The following FSTL5 variants were observed in gnomAD, a reference collection of about 807,000 sequenced individuals.
FSTL5 encodes follistatin like 5, also known as follistatin-related protein 5.
Under a neutral mutation model 89.1 loss-of-function variants are expected in FSTL5, and 62 were observed. The ratio of observed to expected loss-of-function variants is 0.70; its 90% confidence interval spans 0.57 to 0.86. FSTL5 has a LOEUF of 0.86. FSTL5 is among the 40% of genes least tolerant of loss of function. FSTL5 has a pLI of 0.00. For missense variants in FSTL5, 1,057 were observed against 1,001.6 expected, an observed-to-expected ratio of 1.06 and a Z score of -0.75; for synonymous variants, 383 against 346.2, an observed-to-expected ratio of 1.11 and a Z score of -1.18.
chr4:161,837,100 T>C (rs574846687), intron 4 of FSTL5, among the ~76,000 whole-genome samples: 106 of 152,210 alleles, frequency 7.0e-4, no homozygotes, highest in African/African-American at 1.9e-3. Flanking sequence ...GGTGAAGCCA[T>C]AGAGAAAAGT....
intron 12 of FSTL5, among the ~76,000 whole-genome samples, chr4:161,492,446 A>G (rs960626891): frequency 6.6e-6 from 1 of 152,192 alleles, no homozygotes; most frequent in African/African-American, 2.4e-5. Flanking sequence ...ATTAACTTTT[A>G]GTATAACTTT....
chr4:161,404,181 G>A (rs1324810722), intron 15 of FSTL5, among the ~76,000 whole-genome samples: 2 of 152,142 alleles, frequency 1.3e-5, no homozygotes, highest in Admixed American at 6.5e-5. Context: ...TCTTAATGAG[G>A]AGAAACAGCT....
chr4:161,520,470 A>G (rs1179402952), intron 10 of FSTL5, among the ~76,000 whole-genome samples: 2 of 152,042 alleles, frequency 1.3e-5, no homozygotes, highest in East Asian at 3.9e-4. Flanking sequence ...GAAATTATAA[A>G]TTATAACAAA....
chr4:161,423,856 T>A (rs904721845), intron 15 of FSTL5, among the ~76,000 whole-genome samples: 8 of 150,712 alleles, frequency 5.3e-5, no homozygotes, highest in Non-Finnish European at 1.2e-4. Context: ...TATTTTATTT[T>A]ATTTATTTTA....
chr4:161,950,871 T>A lies in FSTL5; in HGVS notation c.161-30219A>T, dbSNP rs1316428743. On this transcript the variant is annotated intron_variant, in intron 3 of 15. Transcript: ENST00000306100. The stretch of plus-strand genomic sequence containing the variant: ...GGGGGCCCTTCAGGATTCTAAACAA[T>A]CATGCCAGAAAATACTTGGCCATTA... 3.9e-5 allele frequency among the ~76,000 whole-genome samples: 6 copies of A among 152,184 alleles called. No homozygotes were observed. The East Asian group carries it at 1.2e-3, about 29-fold the overall frequency.
At chr4:161,852,749 C>A (rs965069309) in intron 4 of FSTL5, among the ~76,000 whole-genome samples, 3 of 152,004 alleles carry the variant, frequency 2.0e-5, no homozygotes, top group Non-Finnish European at 4.4e-5. Context: ...AAGAAAATGT[C>A]ATAAATATAC....
At chr4:162,133,683 GAA>G (rs1561037676) in intron 1 of FSTL5, among the ~76,000 whole-genome samples, 1 of 152,124 alleles carries the variant, frequency 6.6e-6, no homozygotes, top group African/African-American at 2.4e-5. Flanking sequence ...GTGAATGAAT[GAA>G]AGTCTACCAT....
At chr4:162,029,355 A>G (rs141535572) in intron 3 of FSTL5, among the ~76,000 whole-genome samples, 1 of 152,144 alleles carries the variant, frequency 6.6e-6, no homozygotes, top group Non-Finnish European at 1.5e-5. Flanking sequence ...TTTCATGTAC[A>G]TCAATATATA....
chr4:161,834,500 G>A (rs1253175900), intron 4 of FSTL5, among the ~76,000 whole-genome samples: 2 of 152,158 alleles, frequency 1.3e-5, no homozygotes, highest in South Asian at 2.1e-4. Context: ...CAGGAAAAGA[G>A]GAAGTCAAAT....
intron 4 of FSTL5, among the ~76,000 whole-genome samples, chr4:161,813,017 CTG>C (rs1730207786): frequency 6.7e-6 from 1 of 148,456 alleles, no homozygotes; most frequent in Non-Finnish European, 1.5e-5. Flanking sequence ...GAACATGAGA[CTG>C]TGAAAGATCC....
At chr4:162,112,990 CTAT>C (rs1050391996) in intron 1 of FSTL5, among the ~76,000 whole-genome samples, 6 of 152,198 alleles carry the variant, frequency 3.9e-5, no homozygotes, top group Admixed American at 3.9e-4. Flanking sequence ...TAGGTTCAGC[CTAT>C]TGCTTTATTT....
intron 6 of FSTL5, among the ~76,000 whole-genome samples, chr4:161,695,453 GTATA>G (rs1274609480): frequency 7.4e-6 from 1 of 134,964 alleles, no homozygotes; most frequent in African/African-American, 3.1e-5. Flanking sequence ...GTGTGTGTGT[GTATA>G]TATATCACAT....
At chr4:161,546,187 C>T (rs1374772320) in intron 8 of FSTL5, among the ~76,000 whole-genome samples, 1 of 149,872 alleles carries the variant, frequency 6.7e-6, no homozygotes, top group Non-Finnish European at 1.5e-5. Flanking sequence ...AAAATCATAG[C>T]CACAATAAAG....
intron 7 of FSTL5, among the ~76,000 whole-genome samples, chr4:161,607,932 T>C (rs1221778187): frequency 6.6e-6 from 1 of 152,104 alleles, no homozygotes; most frequent in Admixed American, 6.5e-5. Context: ...CTTAAAGAAG[T>C]GTTGTTGTTG....
intron 4 of FSTL5, among the ~76,000 whole-genome samples, chr4:161,798,890 A>C (rs576818296): frequency 6.6e-6 from 1 of 151,896 alleles, no homozygotes; most frequent in East Asian, 1.9e-4. Flanking sequence ...AAATGGGAAG[A>C]AAAGTGGAAG....
chr4:161,877,999 T>TA (rs1259606502), intron 4 of FSTL5, among the ~76,000 whole-genome samples: 1 of 151,174 alleles, frequency 6.6e-6, no homozygotes, highest in African/African-American at 2.4e-5. Context: ...TAAAAATCTT[T>TA]TTTTTACTTA....
intron 4 of FSTL5, among the ~76,000 whole-genome samples, chr4:161,870,653 T>C (rs1413620499): frequency 1.3e-5 from 2 of 152,170 alleles, no homozygotes; most frequent in Admixed American, 1.3e-4. Context: ...AAATATCACT[T>C]ACCTTTTCAG....
intron 2 of FSTL5, among the ~76,000 whole-genome samples, chr4:162,083,584 A>G (rs1008675318): frequency 2.6e-5 from 4 of 151,838 alleles, no homozygotes; most frequent in Non-Finnish European, 5.9e-5. Flanking sequence ...TTCTCCCTGG[A>G]AAACAAGATT....
At chr4:161,781,117 C>G (rs1170201595) in intron 4 of FSTL5, among the ~76,000 whole-genome samples, 1 of 151,800 alleles carries the variant, frequency 6.6e-6, no homozygotes, top group Non-Finnish European at 1.5e-5. Context: ...CCTCAAATTA[C>G]TCAATAATTG....
Sources: allele counts gnomAD v4.1 joint callset (sites outside exome capture counted in the v4.1 genomes callset), GRCh38; gene constraint gnomAD v4.1.1; transcripts MANE v1.5; gene names NCBI Gene and HGNC (gene_info 2026-07-23, HGNC 2026-07-21).